Variants in RXRA observed in about 807,000 individuals in gnomAD.
RXRA encodes retinoid X receptor alpha.
A neutral mutation model predicts 44.5 loss-of-function variants in RXRA; 5 were observed. The observed-to-expected ratio is 0.11, with a 90% confidence interval of 0.06 to 0.24. The LOEUF (loss-of-function observed/expected upper bound fraction) is 0.24, where lower values mean the gene tolerates loss of function less well. Among genes scored for constraint, RXRA ranks in the 10% least tolerant of loss-of-function variants. The probability of loss-of-function intolerance (pLI) is 1.00; values close to 1 mark genes in which losing one functional copy is unlikely to be tolerated. For synonymous variants in RXRA, 291 were observed against 271.4 expected (o/e 1.07, Z -0.71); for missense variants, 412 against 646.5 (o/e 0.64, Z 3.93).
intron 4 of RXRA, among the ~76,000 whole-genome samples, chr9:134,411,156 G>A (rs926805447): frequency 6.6e-6 from 1 of 152,172 alleles, no homozygotes; most frequent in Non-Finnish European, 1.5e-5. Flanking sequence ...GTCGGTGATG[G>A]CCTTTCTGAG....
At chr9:134,387,747 C>T (rs1489327896) in intron 1 of RXRA, among the ~76,000 whole-genome samples, 2 of 152,206 alleles carry the variant, frequency 1.3e-5, no homozygotes, top group African/African-American at 4.8e-5. Context: ...CACACTTGTC[C>T]CGGCGCCAGC....
chr9:134,334,217 A>AG (rs1342432373), intron 1 of RXRA, among the ~76,000 whole-genome samples: 7 of 152,204 alleles, frequency 4.6e-5, no homozygotes, highest in Non-Finnish European at 8.8e-5. Flanking sequence ...AGGCTTCCTG[A>AG]GGGCAGGGCC....
At chr9:134,373,895 G>A (rs1830520022) in intron 1 of RXRA, 1 of 152,252 alleles carries the variant, frequency 6.6e-6, no homozygotes, top group South Asian at 2.1e-4. Context: ...GGCTAGACGT[G>A]AACTCCTGGG....
At chr9:134,351,974 TG>T (rs1437011712) in intron 1 of RXRA, among the ~76,000 whole-genome samples, 1 of 152,166 alleles carries the variant, frequency 6.6e-6, no homozygotes, top group Admixed American at 6.5e-5. Context: ...CAGAAGGGCC[TG>T]GGGGCTGAGG....
intron 5 of RXRA, among the ~76,000 whole-genome samples, chr9:134,420,196 A>T (rs1831306463): frequency 6.6e-6 from 1 of 152,200 alleles, no homozygotes; most frequent in South Asian, 2.1e-4. Context: ...GGCCTGCTTC[A>T]TCCTTTCTCA....
chr9:134,405,166 C>G (rs1831029517), intron 2 of RXRA: 1 of 152,248 alleles, frequency 6.6e-6, no homozygotes, highest in Non-Finnish European at 1.5e-5. Context: ...GGGCTGTGAG[C>G]CAACCCGAGG....
chr9:134,409,173 C>A, intron 4 of RXRA, 54 bp downstream of exon 4: 1 of 1,475,292 alleles, frequency 6.8e-7, no homozygotes, highest in Non-Finnish European at 9.1e-7. Flanking sequence ...AACAGTGGGG[C>A]CCGGGCTTGT....
At position 134,408,234 on chromosome 9, in the gene RXRA, A is replaced by C; in HGVS notation, c.365A>C (p.His122Pro). Reference protein sequence around the residue: ...GLNGVLKVPAHPSGNMASFTK... With the variant: ...GLNGVLKVPAPPSGNMASFTK... ...AATGGCGTCCTCAAGGTCCCCGCCC[A>C]CCCCTCAGGAAACATGGCTTCCTTC... Residue 122 changes from histidine (H) to proline (P), a missense_variant, in exon 3 of 10, where the codon CAC (histidine) becomes CCC (proline). His to Pro is a moderately conservative substitution (Grantham distance 77, BLOSUM62 -2). Around this residue, in one of 4 missense-constraint regions of RXRA, gnomAD observed 156 missense variants for 177.2 expected, o/e 0.88. Transcript: ENST00000481739. 3.1e-6 allele frequency: 5 copies of C among 1,611,688 alleles called. No homozygotes were observed. Among genetic ancestry groups the C allele is most frequent in the Non-Finnish European group, 4.2e-6 (5 of 1,179,364 alleles).
intron 9 of RXRA, among the ~76,000 whole-genome samples, chr9:134,435,618 C>G (rs1231577354): frequency 1.3e-5 from 2 of 152,156 alleles, no homozygotes; most frequent in Non-Finnish European, 2.9e-5. Flanking sequence ...TGGAAAGGGT[C>G]TTGCACCGTT....
chr9:134,333,048 G>A (rs1238651491), intron 1 of RXRA, among the ~76,000 whole-genome samples: 1 of 152,184 alleles, frequency 6.6e-6, no homozygotes, highest in South Asian at 2.1e-4. Context: ...GGCTCTGGAT[G>A]AAGTAGGGGG....
chr9:134,412,917 T>C (rs1046598916), intron 4 of RXRA, among the ~76,000 whole-genome samples: 10 of 152,220 alleles, frequency 6.6e-5, no homozygotes, highest in African/African-American at 2.2e-4. Context: ...CCTGCCTGCC[T>C]TTGCTTCCTG....
At position 134,342,911 on chromosome 9, in the gene RXRA, G is replaced by C. The variant is rs879987866; in HGVS notation, c.28+16252G>C. Among the ~76,000 whole-genome samples the C allele has an allele frequency of 6.6e-6, 1 of 152,196 alleles. No individual in the cohort carries two copies. Among genetic ancestry groups the C allele is most frequent in the African/African-American group, 2.4e-5 (1 of 41,444 alleles). ...TGAGTGATGTGGGTGGCATGACTGC[G>C]GATGCAGGCACGTGTGGGTGCTGGG... On this transcript the variant is annotated intron_variant, in intron 1 of 9. Coordinates refer to ENST00000481739, the MANE Select transcript of RXRA (RefSeq NM_002957.6). The surrounding 1 kb of genome is among the most constrained non-coding windows in gnomAD (Gnocchi z 4.4).
Position 134,436,617 on chromosome 9 carries a change from C to T in RXRA, c.*3C>T, listed in dbSNP as rs202177875. On this transcript the variant is annotated 3_prime_UTR_variant, in exon 10 of 10. Coordinates refer to ENST00000481739, the MANE Select transcript of RXRA (RefSeq NM_002957.6). ...AGGCGCCGCACCAAATGACTTAGGC[C>T]TGCGGGCCCATCCTTTGTGCCCACC... 299 of 1,613,850 alleles carry T rather than the reference C, an allele frequency of 1.9e-4. 2 individuals carry two copies. The African/African-American group carries it at 3.5e-3, about 19-fold the overall frequency.
intron 1 of RXRA, among the ~76,000 whole-genome samples, chr9:134,392,978 C>A (rs1007645453): frequency 6.6e-6 from 1 of 151,626 alleles, no homozygotes; most frequent in Non-Finnish European, 1.5e-5. Flanking sequence ...CCTGCCTGCT[C>A]GTCCCTGTTA....
intron 1 of RXRA, among the ~76,000 whole-genome samples, chr9:134,345,043 C>T (rs1222525564): frequency 6.6e-6 from 1 of 152,182 alleles, no homozygotes; most frequent in Middle Eastern, 3.2e-3. Context: ...TCACGAGGCC[C>T]AGTGCTCGAG....
intron 1 of RXRA, among the ~76,000 whole-genome samples, chr9:134,334,622 G>T (rs918423971): frequency 3.3e-5 from 5 of 152,262 alleles, no homozygotes; most frequent in African/African-American, 9.6e-5. Flanking sequence ...CCCTGGGCAG[G>T]TCCCTTCCCC....
intron 1 of RXRA, among the ~76,000 whole-genome samples, chr9:134,362,941 C>T (rs1252407301): frequency 5.9e-5 from 9 of 152,264 alleles, no homozygotes; most frequent in African/African-American, 2.2e-4. Flanking sequence ...CAGCAGCCAC[C>T]TCGGCTCCAT....
intron 1 of RXRA, among the ~76,000 whole-genome samples, chr9:134,378,152 C>T (rs989390603): frequency 1.3e-4 from 20 of 152,210 alleles, no homozygotes; most frequent in African/African-American, 2.9e-4. Context: ...TGGGCAGGGC[C>T]GGGGCAGAGG....
At chr9:134,341,629 G>T (rs1288631438) in intron 1 of RXRA, among the ~76,000 whole-genome samples, 2 of 152,262 alleles carry the variant, frequency 1.3e-5, no homozygotes, top group East Asian at 3.9e-4. Flanking sequence ...GGTGGCCCAG[G>T]GTTGGGCTGG....
Sources: gnomAD v4.1 joint callset for allele counts (sites outside exome capture counted in the v4.1 genomes callset) on GRCh38, gnomAD v4.1.1 for gene constraint, gnomAD v4.1.1 regional missense constraint, Gnocchi (gnomAD v3.1) non-coding constraint, MANE v1.5 for transcripts, NCBI Gene and HGNC (gene_info 2026-07-23, HGNC 2026-07-21) for gene names.